The following PDE1C variants were observed in gnomAD, a reference collection of about 807,000 sequenced individuals.
PDE1C encodes dual specificity calcium/calmodulin-dependent 3',5'-cyclic nucleotide phosphodiesterase 1C.
PDE1C carries 62 observed loss-of-function variants against 93.1 expected under a neutral mutation model. The ratio of observed to expected loss-of-function variants is 0.67; its 90% confidence interval spans 0.54 to 0.82. The LOEUF is 0.82. PDE1C is among the 40% of genes least tolerant of loss of function. The probability of loss-of-function intolerance (pLI) is 0.00; values close to 1 mark genes in which losing one functional copy is unlikely to be tolerated. For missense variants in PDE1C, 742 were observed against 884.6 expected (o/e 0.84, Z 2.04); for synonymous variants, 325 against 310.1 (o/e 1.05, Z -0.50).
intron 2 of PDE1C, among the ~76,000 whole-genome samples, chr7:31,969,521 G>A (rs1010822214): frequency 1.3e-5 from 2 of 152,144 alleles, no homozygotes; most frequent in African/African-American, 2.4e-5. Context: ...TGGAGAAATA[G>A]GAACATTTTT....
At chr7:31,767,039 A>C (rs7798597) in intron 17 of PDE1C, among the ~76,000 whole-genome samples, 67,756 of 152,026 alleles carry the variant, frequency 0.45, 15,447 homozygotes, top group Non-Finnish European at 0.47. Context: ...TTTCTTTCTT[A>C]TCTAATCAAA....
chr7:31,877,907 C>A, intron 5 of PDE1C, 63 bp downstream of exon 5: 2 of 1,074,026 alleles, frequency 1.9e-6, no homozygotes, highest in South Asian at 2.8e-5. Flanking sequence ...TATTTTCTAA[C>A]AAATTTAACT....
At chr7:32,207,320 A>G (rs1805652975) in intron 2 of PDE1C, among the ~76,000 whole-genome samples, 1 of 151,440 alleles carries the variant, frequency 6.6e-6, no homozygotes, top group Non-Finnish European at 1.5e-5. Context: ...GGACGCAAAA[A>G]TTAGAGAATG....
chr7:32,249,236 C>T (rs1193279065), intron 1 of PDE1C, among the ~76,000 whole-genome samples: 2 of 151,998 alleles, frequency 1.3e-5, no homozygotes, highest in Non-Finnish European at 2.9e-5. Context: ...GCAATCAATT[C>T]TTAGCCAAAC....
chr7:32,198,782 G>GACATA (rs1331259710), intron 2 of PDE1C, among the ~76,000 whole-genome samples: 1 of 152,112 alleles, frequency 6.6e-6, no homozygotes, highest in African/African-American at 2.4e-5. Flanking sequence ...TGGATATGGG[G>GACATA]ACATAGGCCC....
intron 17 of PDE1C, among the ~76,000 whole-genome samples, chr7:31,773,704 TA>T (rs990811755): frequency 1.3e-5 from 2 of 152,098 alleles, no homozygotes; most frequent in Non-Finnish European, 2.9e-5. Context: ...TGTGTAGTCG[TA>T]AACTAAATGG....
At chr7:32,306,890 G>A (rs950474054) in intron 1 of PDE1C, among the ~76,000 whole-genome samples, 1 of 152,176 alleles carries the variant, frequency 6.6e-6, no homozygotes, top group South Asian at 2.1e-4. Context: ...AGCTACCTGT[G>A]AGCACCTGGG....
At chr7:31,815,439 G>C (rs1788111739) in intron 15 of PDE1C, among the ~76,000 whole-genome samples, 1 of 152,082 alleles carries the variant, frequency 6.6e-6, no homozygotes, top group Non-Finnish European at 1.5e-5. Flanking sequence ...AGAAAGCTCT[G>C]TGTCTCCCAG....
At chr7:32,044,183 T>A (rs1335473421) in intron 2 of PDE1C, among the ~76,000 whole-genome samples, 1 of 152,154 alleles carries the variant, frequency 6.6e-6, no homozygotes, top group Non-Finnish European at 1.5e-5. Context: ...ACCTAAGAAG[T>A]TTCCATTGAA....
At chr7:31,855,830 C>T (rs1444775157) in intron 7 of PDE1C, among the ~76,000 whole-genome samples, 1 of 147,468 alleles carries the variant, frequency 6.8e-6, no homozygotes, top group African/African-American at 2.5e-5. Context: ...AAATTACTGG[C>T]ACCTTGCTTG....
chr7:31,765,571 G>A (rs1795092030), intron 17 of PDE1C, among the ~76,000 whole-genome samples: 1 of 152,174 alleles, frequency 6.6e-6, no homozygotes, highest in Non-Finnish European at 1.5e-5. Context: ...GCCAATTTCA[G>A]AAGAAGCCTA....
chr7:31,784,129 G>C (rs1783673215), intron 16 of PDE1C: 1 of 152,142 alleles, frequency 6.6e-6, no homozygotes, highest in Non-Finnish European at 1.5e-5. Flanking sequence ...CAGCTGAACA[G>C]CAGCAACATC....
chr7:32,094,440 G>A (rs1189650317), intron 3 of PDE1C, among the ~76,000 whole-genome samples: 1 of 152,156 alleles, frequency 6.6e-6, no homozygotes, highest in African/African-American at 2.4e-5. Context: ...GAGGGTATGT[G>A]GATTTTTACT....
At chr7:31,679,932 C>G in the PDE1C span, among the ~76,000 whole-genome samples, 1 of 152,130 alleles carries the variant, frequency 6.6e-6, no homozygotes, top group Non-Finnish European at 1.5e-5. Flanking sequence ...AATAGCTTAG[C>G]TGGAAGAAAG....
the PDE1C span, among the ~76,000 whole-genome samples, chr7:31,618,151 A>G: frequency 6.6e-6 from 1 of 152,186 alleles, no homozygotes; most frequent in African/African-American, 2.4e-5. Context: ...ACTATGACTA[A>G]GTCACCCAGA....
intron 1 of PDE1C, among the ~76,000 whole-genome samples, chr7:32,420,545 C>T (rs1327483120): frequency 3.6e-5 from 5 of 139,886 alleles, no homozygotes; most frequent in Admixed American, 3.5e-4. Context: ...CAGAGCAAGG[C>T]TCCATCTCAA....
chr7:31,961,571 G>T (rs995460106), intron 2 of PDE1C, among the ~76,000 whole-genome samples: 19 of 152,102 alleles, frequency 1.2e-4, no homozygotes, highest in Non-Finnish European at 2.6e-4. Context: ...GGCAACATGA[G>T]ACACAGGTAA....
At chr7:32,029,029 C>T (rs556555057) in intron 2 of PDE1C, among the ~76,000 whole-genome samples, 16 of 152,052 alleles carry the variant, frequency 1.1e-4, no homozygotes, top group Middle Eastern at 3.4e-3. Context: ...ATAAGGAGCT[C>T]AAACAATTCA....
chr7:32,209,512 G>T (rs1805851932), exon 2 of PDE1C: 1 of 1,573,284 alleles, frequency 6.4e-7, no homozygotes, highest in Non-Finnish European at 8.6e-7. Flanking sequence ...CAGTGGTCTG[G>T]CATTCTTGTC....
Sources: gnomAD v4.1 joint callset for allele counts (sites outside exome capture counted in the v4.1 genomes callset) on GRCh38, gnomAD v4.1.1 for gene constraint, MANE v1.5 for transcripts, NCBI Gene and HGNC (gene_info 2026-07-23, HGNC 2026-07-21) for gene names.